LRRC37A2: variants seen among roughly 807,000 people sequenced by gnomAD.
LRRC37A2 encodes leucine-rich repeat-containing protein 37A2.
A neutral mutation model predicts 68.8 loss-of-function variants in LRRC37A2; 9 were observed. That is an observed-to-expected ratio of 0.13 (90% confidence interval 0.08 to 0.23). The LOEUF is 0.23. Ranked by LOEUF, LRRC37A2 falls within the 10% of genes least tolerant of loss-of-function variation. LRRC37A2 has a pLI of 1.00. For missense variants in LRRC37A2, 168 were observed against 950.4 expected (o/e 0.18, Z 10.82); for synonymous variants, 63 against 367.6 (o/e 0.17, Z 9.48).
the LRRC37A2 span, chr17:46,941,846 A>G: frequency 1.4e-5 from 11 of 807,550 alleles, no homozygotes; most frequent in Non-Finnish European, 1.6e-5. Context: ...TCGGCCTCCC[A>G]AAGTTCTAGG....
chr17:46,919,201 AG>A, the LRRC37A2 span, among the ~76,000 whole-genome samples: 1 of 152,248 alleles, frequency 6.6e-6, no homozygotes, highest in Admixed American at 6.5e-5. Flanking sequence ...GATTTATGGA[AG>A]GAGACCAATG....
the LRRC37A2 span, among the ~76,000 whole-genome samples, chr17:46,742,192 TAC>T: frequency 2.0e-5 from 3 of 152,226 alleles, no homozygotes; most frequent in Non-Finnish European, 4.4e-5. Flanking sequence ...GCACGAAGCA[TAC>T]ATGCCGTTCA....
chr17:46,728,215 A>T, the LRRC37A2 span, among the ~76,000 whole-genome samples: 3 of 152,102 alleles, frequency 2.0e-5, no homozygotes, highest in Non-Finnish European at 4.4e-5. Flanking sequence ...TTAGAAAGTT[A>T]TCTGTTCCTT....
the LRRC37A2 span, among the ~76,000 whole-genome samples, chr17:46,488,498 A>T: frequency 1.4e-5 from 1 of 69,524 alleles, no homozygotes; most frequent in Non-Finnish European, 3.0e-5. Context: ...CGAGGTCAGG[A>T]GTTCGAGACC....
chr17:47,035,426 C>A, the LRRC37A2 span, among the ~76,000 whole-genome samples: 1 of 152,062 alleles, frequency 6.6e-6, no homozygotes, highest in East Asian at 1.9e-4. Context: ...CAGTATGTGG[C>A]CTTTTGTGTC....
the LRRC37A2 span, among the ~76,000 whole-genome samples, chr17:47,003,787 T>C: frequency 6.6e-6 from 1 of 152,140 alleles, no homozygotes; most frequent in African/African-American, 2.4e-5. Flanking sequence ...TTGTTACATA[T>C]GTATATATGT....
the LRRC37A2 span, among the ~76,000 whole-genome samples, chr17:46,986,245 C>T: frequency 1.2e-4 from 18 of 152,092 alleles, no homozygotes; most frequent in African/African-American, 3.1e-4. Context: ...GGAAGTGCCC[C>T]GAAGCCTCCC....
the LRRC37A2 span, among the ~76,000 whole-genome samples, chr17:46,965,228 T>C: frequency 6.6e-6 from 1 of 152,348 alleles, no homozygotes; most frequent in Admixed American, 6.5e-5. Context: ...CTCACTGCAA[T>C]TGCAAACCTG....
chr17:46,791,454 G>A, the LRRC37A2 span, among the ~76,000 whole-genome samples: 8 of 151,968 alleles, frequency 5.3e-5, no homozygotes, highest in South Asian at 2.1e-4. Flanking sequence ...TGATCCGCCC[G>A]CCTCAGCCTC....
At chr17:47,015,576 A>G in the LRRC37A2 span, among the ~76,000 whole-genome samples, 1 of 152,186 alleles carries the variant, frequency 6.6e-6, no homozygotes, top group South Asian at 2.1e-4. Flanking sequence ...CAAGCAATGC[A>G]TGACTGCATA....
the LRRC37A2 span, chr17:46,932,044 ATCTC>A: frequency 1.2e-6 from 2 of 1,610,862 alleles, no homozygotes; most frequent in Non-Finnish European, 1.7e-6. Context: ...CTGGAATTTA[ATCTC>A]TCTCTCCATC....
At chr17:46,849,022 A>G in the LRRC37A2 span, among the ~76,000 whole-genome samples, 1 of 152,304 alleles carries the variant, frequency 6.6e-6, no homozygotes, top group African/African-American at 2.4e-5. Context: ...GGGCAGTTCT[A>G]TGCAGCCTTA....
At chr17:46,800,518 T>G in the LRRC37A2 span, among the ~76,000 whole-genome samples, 5 of 115,666 alleles carry the variant, frequency 4.3e-5, no homozygotes, top group African/African-American at 1.4e-4. Context: ...AGGGGCTGAC[T>G]CTTACACTGG....
the LRRC37A2 span, chr17:46,885,090 G>T: frequency 2.3e-6 from 1 of 437,788 alleles, no homozygotes; most frequent in South Asian, 1.6e-5. Context: ...CCGGATTCAA[G>T]CGATTCTCCC....
the LRRC37A2 span, among the ~76,000 whole-genome samples, chr17:46,489,688 A>C: frequency 6.7e-6 from 1 of 148,306 alleles, no homozygotes; most frequent in African/African-American, 2.6e-5. Flanking sequence ...GGGTTTCACC[A>C]TGTTGGCCAG....
the LRRC37A2 span, among the ~76,000 whole-genome samples, chr17:46,833,991 T>G: frequency 6.6e-6 from 1 of 151,756 alleles, no homozygotes; most frequent in Non-Finnish European, 1.5e-5. Context: ...AGGCCAAGAG[T>G]TTGAGACCAA....
the LRRC37A2 span, among the ~76,000 whole-genome samples, chr17:46,891,918 C>CTT: frequency 1.4e-3 from 100 of 71,794 alleles, 2 homozygotes; most frequent in African/African-American, 3.5e-3. Flanking sequence ...CTTTTCTTTT[C>CTT]TTTTTTTTTT....
At chr17:46,813,054 G>C in the LRRC37A2 span, among the ~76,000 whole-genome samples, 30 of 152,214 alleles carry the variant, frequency 2.0e-4, no homozygotes, top group East Asian at 5.4e-3. Context: ...GAGTGTTTGG[G>C]GCGAGGTTTG....
the LRRC37A2 span, chr17:46,851,662 C>T: frequency 5.4e-6 from 7 of 1,301,002 alleles, no homozygotes; most frequent in Non-Finnish European, 6.8e-6. The surrounding 1 kb of genome is among the most constrained non-coding windows in gnomAD (Gnocchi z 4.3). Flanking sequence ...CCGCGCTGGC[C>T]CTGGCCGGGC....
Sources: gnomAD v4.1 joint callset for allele counts (sites outside exome capture counted in the v4.1 genomes callset) on GRCh38, gnomAD v4.1.1 for gene constraint, Gnocchi (gnomAD v3.1) non-coding constraint, MANE v1.5 for transcripts, NCBI Gene and HGNC (gene_info 2026-07-23, HGNC 2026-07-21) for gene names.